The following CAMK2D variants were observed in gnomAD, a reference collection of about 807,000 sequenced individuals.
CAMK2D encodes the protein calcium/calmodulin-dependent protein kinase type II subunit delta.
In CAMK2D, 37 loss-of-function variants were observed where a neutral mutation model predicts 84.0. That is an observed-to-expected ratio of 0.44 (90% confidence interval 0.34 to 0.58). The LOEUF is 0.58. Ranked by LOEUF, CAMK2D falls within the 20% of genes least tolerant of loss-of-function variation. The pLI, the probability that CAMK2D is intolerant of heterozygous loss-of-function variation, is 0.02. For missense variants in CAMK2D, 448 were observed against 652.5 expected (o/e 0.69, Z 3.41); for synonymous variants, 202 against 212.5 (o/e 0.95, Z 0.43).
At chr4:113,507,043 C>T (rs1270261610) in intron 13 of CAMK2D, among the ~76,000 whole-genome samples, 2 of 152,110 alleles carry the variant, frequency 1.3e-5, no homozygotes, top group Admixed American at 6.5e-5. Context: ...ATATGTGCCT[C>T]AACCACACTT....
At chr4:113,684,858 A>T (rs2099355144) in intron 2 of CAMK2D, among the ~76,000 whole-genome samples, 1 of 152,216 alleles carries the variant, frequency 6.6e-6, no homozygotes. Context: ...AGTTTCAAAT[A>T]ATGTGCTGCA....
chr4:113,672,235 G>A (rs187510556), intron 2 of CAMK2D, among the ~76,000 whole-genome samples: 2 of 152,134 alleles, frequency 1.3e-5, no homozygotes, highest in East Asian at 1.9e-4. Flanking sequence ...TGAGTGACCC[G>A]CCATAGTAAA....
At chr4:113,689,642 T>C (rs1488899580) in intron 2 of CAMK2D, among the ~76,000 whole-genome samples, 3 of 152,198 alleles carry the variant, frequency 2.0e-5, no homozygotes, top group Non-Finnish European at 4.4e-5. Context: ...CCCCTTGCTT[T>C]TTCCACGGGT....
intron 2 of CAMK2D, among the ~76,000 whole-genome samples, chr4:113,752,678 A>G (rs1216501563): frequency 6.6e-6 from 1 of 152,168 alleles, no homozygotes; most frequent in Non-Finnish European, 1.5e-5. Context: ...ATAGTGAGAT[A>G]TTTTTAATCA....
At chr4:113,747,236 T>C (rs1304194483) in intron 2 of CAMK2D, among the ~76,000 whole-genome samples, 1 of 151,804 alleles carries the variant, frequency 6.6e-6, no homozygotes, top group Non-Finnish European at 1.5e-5. Context: ...AAGAAGTGAC[T>C]ATTTCCCTAC....
chr4:113,710,253 C>G (rs987890855), intron 2 of CAMK2D, among the ~76,000 whole-genome samples: 1 of 152,096 alleles, frequency 6.6e-6, no homozygotes, highest in Non-Finnish European at 1.5e-5. Flanking sequence ...TCATCACTAA[C>G]CAGCCCAGTG....
chr4:113,569,495 G>T (rs1015247645), intron 4 of CAMK2D, among the ~76,000 whole-genome samples: 3 of 152,132 alleles, frequency 2.0e-5, no homozygotes, highest in African/African-American at 4.8e-5. Context: ...TAGGAAAATG[G>T]CTGAAAGGAC....
chr4:113,641,902 A>G (rs1465981445), intron 3 of CAMK2D, among the ~76,000 whole-genome samples: 1 of 152,030 alleles, frequency 6.6e-6, no homozygotes, highest in Non-Finnish European at 1.5e-5. Flanking sequence ...CCAGCTACTC[A>G]GGAAGGCTGA....
intron 2 of CAMK2D, chr4:113,679,516 A>C: frequency 1.2e-6 from 1 of 829,028 alleles, no homozygotes; most frequent in Non-Finnish European, 1.5e-6. Flanking sequence ...AAAATCAATA[A>C]TAACATGTAA....
At chr4:113,664,279 T>C (rs1168958667) in intron 2 of CAMK2D, among the ~76,000 whole-genome samples, 3 of 152,242 alleles carry the variant, frequency 2.0e-5, no homozygotes, top group African/African-American at 7.2e-5. Flanking sequence ...TATTGCTATG[T>C]GTCCAACACC....
At chr4:113,663,416 T>C (rs2099243476) in intron 2 of CAMK2D, among the ~76,000 whole-genome samples, 1 of 151,770 alleles carries the variant, frequency 6.6e-6, no homozygotes, top group Non-Finnish European at 1.5e-5. Flanking sequence ...CAAAATCTCA[T>C]CTCTACCAAA....
intron 4 of CAMK2D, among the ~76,000 whole-genome samples, chr4:113,600,874 A>G (rs1341587199): frequency 6.6e-6 from 1 of 152,152 alleles, no homozygotes. Context: ...GGCTTAAGCA[A>G]TCCTCCTTCC....
At chr4:113,585,637 T>C (rs910453808) in intron 4 of CAMK2D, among the ~76,000 whole-genome samples, 1 of 151,240 alleles carries the variant, frequency 6.6e-6, no homozygotes, top group African/African-American at 2.4e-5. Flanking sequence ...TAGATTAGTA[T>C]ACAGTATAGT....
chr4:113,519,544 C>T (rs914663339), intron 8 of CAMK2D, among the ~76,000 whole-genome samples: 5 of 151,994 alleles, frequency 3.3e-5, no homozygotes, highest in Admixed American at 3.3e-4. Flanking sequence ...ATTATAGGTG[C>T]TATTGACTAG....
At chr4:113,585,688 A>G (rs1561163035) in intron 4 of CAMK2D, among the ~76,000 whole-genome samples, 3 of 149,938 alleles carry the variant, frequency 2.0e-5, no homozygotes. Flanking sequence ...TATATAGTAT[A>G]GGTTAGTGTA....
chr4:113,683,802 T>A (rs2099352266), intron 2 of CAMK2D, among the ~76,000 whole-genome samples: 1 of 152,172 alleles, frequency 6.6e-6, no homozygotes, highest in Admixed American at 6.5e-5. Flanking sequence ...TGCTAATATG[T>A]TAAGATTTTC....
At chr4:113,535,827 C>G (rs564220163) in intron 7 of CAMK2D, among the ~76,000 whole-genome samples, 1 of 152,186 alleles carries the variant, frequency 6.6e-6, no homozygotes, top group Non-Finnish European at 1.5e-5. Flanking sequence ...TGTGTTCCCA[C>G]AGCACCTCAT....
At chr4:113,509,026 A>T (rs767695010) in intron 13 of CAMK2D, among the ~76,000 whole-genome samples, 18 of 152,268 alleles carry the variant, frequency 1.2e-4, no homozygotes, top group Non-Finnish European at 2.4e-4. Flanking sequence ...GTAGGAAAGA[A>T]ACTGTATTAT....
intron 8 of CAMK2D, among the ~76,000 whole-genome samples, chr4:113,517,909 C>CAGGGCAACATTCATTT (rs2098306567): frequency 6.6e-6 from 1 of 152,164 alleles, no homozygotes; most frequent in Non-Finnish European, 1.5e-5. Context: ...AGAGGCATGG[C>CAGGGCAACATTCATTT]AGGGCAACAT....
Sources: gnomAD v4.1 joint callset for allele counts (sites outside exome capture counted in the v4.1 genomes callset) on GRCh38, gnomAD v4.1.1 for gene constraint, MANE v1.5 for transcripts, NCBI Gene and HGNC (gene_info 2026-07-23, HGNC 2026-07-21) for gene names.